The following HHEX variants were observed in gnomAD, a reference collection of about 807,000 sequenced individuals.
The protein encoded by HHEX is hematopoietically expressed homeobox.
In HHEX, 8 loss-of-function variants were observed where a neutral mutation model predicts 27.0. That is an observed-to-expected ratio of 0.30 (90% CI 0.17 to 0.54). The LOEUF is 0.54. HHEX is among the 20% of genes least tolerant of loss of function. The pLI, the probability that HHEX is intolerant of heterozygous loss-of-function variation, is 0.95. For missense variants in HHEX, 326 were observed against 357.2 expected, an observed-to-expected ratio of 0.91 and a Z score of 0.70; for synonymous variants, 164 against 161.5, an observed-to-expected ratio of 1.02 and a Z score of -0.12.
rs1845340362 is a variant in HHEX, at chr10:92,690,358, C to T, written c.361+11C>T. 2 of 1,440,124 alleles carry T rather than the reference C, an allele frequency of 1.4e-6. No individual in the cohort carries two copies. The highest frequency in any genetic ancestry group is 1.8e-4 in the Middle Eastern group (1 of 5,408). 89.2% of individuals were successfully genotyped at this position (1,440,124 alleles called of 1,614,324 possible). Reference sequence around the variant, plus strand: ...GCCACGACCCCCTGGGTAAGGCGGCCGGGCGAGGGTGGGGGCGAGGAAGCG... The same window carrying T: ...GCCACGACCCCCTGGGTAAGGCGGCTGGGCGAGGGTGGGGGCGAGGAAGCG... On this transcript the variant is annotated intron_variant, in intron 1 of 3. Transcript: ENST00000282728.
rs1481384913 is a variant in HHEX at position 92,689,960 on chromosome 10, T to C, written c.-27T>C. ...GCGCCGCGGCGCGGGCCAGCAGCTC[T>C]GCGAGGGGCCGGAGCGCGGCGGAGC... On this transcript the variant is annotated 5_prime_UTR_variant, in exon 1 of 4. Coordinates refer to ENST00000282728, the MANE Select transcript of HHEX (RefSeq NM_002729.5). The C allele has an allele frequency of 2.3e-6, 3 of 1,330,162 alleles. No individual in the cohort carries two copies. Among genetic ancestry groups the C allele is most frequent in the East Asian group, 6.4e-5 (2 of 31,470 alleles). 82.4% of individuals were successfully genotyped at this position (1,330,162 alleles called of 1,614,324 possible).
Position 92,694,963 on chromosome 10 carries a change from GT to G in HHEX, c.*198del. 2 of 581,386 alleles carry G rather than the reference GT, an allele frequency of 3.4e-6. No individual in the cohort carries two copies. Among genetic ancestry groups the G allele is most frequent in the South Asian group, 2.1e-5 (1 of 48,682 alleles). 36.0% of individuals were successfully genotyped at this position (581,386 alleles called of 1,614,324 possible). On this transcript the variant is annotated 3_prime_UTR_variant, in exon 4 of 4. Coordinates refer to ENST00000282728, the MANE Select transcript of HHEX (RefSeq NM_002729.5). ...GACCTTAATTTTGACTTAACAAATA[GT>G]TTATGTACTGCTCTTAGGTTGTTTT...
Position 92,690,184 on chromosome 10 carries a change from G to C in HHEX, c.198G>C (p.Arg66=), listed in dbSNP as rs2135940334. 1 of 1,568,204 alleles carries C rather than the reference G, an allele frequency of 6.4e-7. No homozygotes were observed. The highest frequency in any genetic ancestry group is 2.4e-5 in the East Asian group (1 of 42,132). The change falls in exon 1 of 4, where the codon CGG becomes CGC. Residue 66 remains arginine (R), a synonymous_variant. Transcript: ENST00000282728. ...SSFTSLVSPY[R]TPVYEPTPIH... is the part of the protein sequence containing the mutation. ...TCACCAGCCTCGTGTCCCCCTACCG[G>C]ACCCCGGTGTACGAGCCCACGCCGA... is the stretch of plus-strand genomic sequence containing the variant.
At position 92,690,194 on chromosome 10, in the gene HHEX, T is replaced by G. The variant is rs1204238532; in HGVS notation, c.208T>G (p.Tyr70Asp). 6.4e-7 allele frequency: 1 copy of G among 1,572,136 alleles called. No homozygotes were observed. Among genetic ancestry groups the G allele is most frequent in the Non-Finnish European group, 8.6e-7 (1 of 1,159,872 alleles). ...CGTGTCCCCCTACCGGACCCCGGTG[T>G]ACGAGCCCACGCCGATCCATCCAGC... Reference protein sequence around the residue: ...SLVSPYRTPVYEPTPIHPAFS... With the variant: ...SLVSPYRTPVDEPTPIHPAFS... The change falls in exon 1 of 4, where the codon TAC becomes GAC. Residue 70 changes from tyrosine to aspartate, a missense_variant. By Grantham distance (160) the Tyr-to-Asp change is radical (BLOSUM62 -3). This residue lies in a region of HHEX where 215 missense variants were observed against 196.4 expected (regional missense o/e 1.09). Transcript: ENST00000282728.
chr10:92,691,047 T>C (rs1199904140), intron 1 of HHEX, among the ~76,000 whole-genome samples: 2 of 152,192 alleles, frequency 1.3e-5, no homozygotes, highest in African/African-American at 4.8e-5. Context: ...TCGAGGCTGT[T>C]TTGCACCAGT....
intron 3 of HHEX, among the ~76,000 whole-genome samples, chr10:92,693,268 A>G (rs892385476): frequency 8.5e-5 from 13 of 152,256 alleles, no homozygotes; most frequent in African/African-American, 3.1e-4. Flanking sequence ...AATGAAATAT[A>G]AAACTTGTAA....
At position 92,690,235 on chromosome 10, in the gene HHEX, C is replaced by A; in HGVS notation, c.249C>A (p.Ser83=). ...TPIHPAFSHH[S]AAALAAAYGP... is the part of the protein sequence containing the mutation. ...TCCATCCAGCCTTCTCGCACCACTC[C>A]GCCGCCGCGCTGGCCGCTGCCTACG... Residue 83 remains serine, a synonymous_variant, in exon 1 of 4, where the codon TCC becomes TCA. Coordinates refer to ENST00000282728, the MANE Select transcript of HHEX (RefSeq NM_002729.5). The A allele has an allele frequency of 4.5e-6, 7 of 1,567,078 alleles. No homozygotes were observed. Among genetic ancestry groups the A allele is most frequent in the East Asian group, 2.4e-5 (1 of 42,366 alleles).
rs770197482 is a variant in HHEX, at chr10:92,694,765, A to G, written c.810A>G (p.Gly270=). 1.7e-5 allele frequency: 27 copies of G among 1,602,936 alleles called. No individual in the cohort carries two copies. The highest frequency in any genetic ancestry group is 1.3e-4 in the East Asian group (6 of 44,822). ...IEGDKSYFNA[G] ...GCGATAAAAGCTATTTTAATGCTGGATGATGACCACTGGCATTGGCATGTT... is the reference window on the plus strand; with the variant it reads ...GCGATAAAAGCTATTTTAATGCTGGGTGATGACCACTGGCATTGGCATGTT... Residue 270 remains glycine, a synonymous_variant, in exon 4 of 4, where the codon GGA becomes GGG. Coordinates refer to ENST00000282728, the MANE Select transcript of HHEX (RefSeq NM_002729.5).
Position 92,690,078 on chromosome 10 carries a change from C to A in HHEX, c.92C>A (p.Pro31His). 6.5e-7 allele frequency: 1 copy of A among 1,546,888 alleles called. No homozygotes were observed. Among genetic ancestry groups the A allele is most frequent in the Non-Finnish European group, 8.7e-7 (1 of 1,145,522 alleles). The change falls in exon 1 of 4, where the codon CCC (proline) becomes CAC (histidine). Residue 31 changes from proline to histidine, a missense_variant. Physicochemically the swap from Pro to His is moderately conservative, Grantham distance 77. Coordinates refer to ENST00000282728, the MANE Select transcript of HHEX (RefSeq NM_002729.5). The stretch of plus-strand genomic sequence containing the variant: ...CTGCTGCAACCCGCACACCCGACGC[C>A]CTTTTACATCGAGGACATCCTGGGC... ...TPLLQPAHPTPFYIEDILGRG... is the reference protein window; with the variant it reads ...TPLLQPAHPTHFYIEDILGRG...
chr10:92,692,335 G>A (rs1417878380), intron 1 of HHEX, 33 bp from the exon 2 acceptor site: 3 of 1,609,436 alleles, frequency 1.9e-6, no homozygotes, highest in Admixed American at 1.7e-5. Context: ...CCGCTCCAGG[G>A]CAGTGGGTGA....
chr10:92,690,292 C>T lies in HHEX; in HGVS notation c.306C>T (p.Pro102=). The T allele has an allele frequency of 6.5e-7, 1 of 1,547,850 alleles. No homozygotes were observed. Among genetic ancestry groups the T allele is most frequent in the Non-Finnish European group, 8.7e-7 (1 of 1,146,222 alleles). Residue 102 remains proline (P), a synonymous_variant, in exon 1 of 4, where the codon CCC becomes CCT. Transcript: ENST00000282728. The stretch of plus-strand genomic sequence containing the variant: ...GCGGCTTCGGGGGCCCTCTGTACCC[C>T]TTCCCGCGGACGGTGAACGACTACA... ...GPGGFGGPLY[P]FPRTVNDYTH...
At chr10:92,692,188 CTT>C in intron 1 of HHEX, 178 bp from the exon 2 acceptor site, 2 of 597,528 alleles carry the variant, frequency 3.3e-6, no homozygotes, top group East Asian at 2.8e-5. Flanking sequence ...CAGTGTGTGA[CTT>C]TGGGTATGTT....
intron 2 of HHEX, 75 bp from the exon 3 acceptor site, chr10:92,692,627 G>C: frequency 6.2e-7 from 1 of 1,606,130 alleles, no homozygotes. Flanking sequence ...CCGAGAGAGA[G>C]GCGAGGAGCC....
intron 3 of HHEX, among the ~76,000 whole-genome samples, chr10:92,694,064 T>C (rs1845380463): frequency 6.6e-6 from 1 of 152,168 alleles, no homozygotes. Flanking sequence ...AGAAAATGAA[T>C]GAAAAAAGAT....
chr10:92,692,583 A>G, intron 2 of HHEX, 37 bp downstream of exon 2: 1 of 1,611,402 alleles, frequency 6.2e-7, no homozygotes, highest in South Asian at 1.1e-5. Flanking sequence ...CCTCCGGGGA[A>G]GGGAAGGCTT....
chr10:92,694,474 ATTTTGAT>A lies in HHEX; in HGVS notation c.592-70_592-64del, dbSNP rs1845385307. 6.3e-6 allele frequency: 7 copies of A among 1,106,314 alleles called. No homozygotes were observed. The Admixed American group carries it at 1.4e-4, about 23-fold the overall frequency. 68.5% of individuals were successfully genotyped at this position (1,106,314 alleles called of 1,614,324 possible). On this transcript the variant is annotated intron_variant, in intron 3 of 3. Coordinates refer to ENST00000282728, the MANE Select transcript of HHEX (RefSeq NM_002729.5). ...AAAAGATGGAATAGGATGAAGAGACATTTTGATTTATTCCTCTCACCTATCCATATTT... is the reference window on the plus strand; with the variant it reads ...AAAAGATGGAATAGGATGAAGAGACATTATTCCTCTCACCTATCCATATTT...
Position 92,690,511 on chromosome 10 carries a change from C to T in HHEX, c.361+164C>T, listed in dbSNP as rs372911659. 1.1e-3 allele frequency among the ~76,000 whole-genome samples: 173 copies of T among 152,184 alleles called. 1 individual carries two copies. The highest frequency in any genetic ancestry group is 4.0e-3 in the African/African-American group (168 of 41,538). ...GGGGACGGGAGGCGCGCGGCCGGGG[C>T]TGACCGCACCGTGACTCAGATTGGT... On this transcript the variant is annotated intron_variant, in intron 1 of 3. Coordinates refer to ENST00000282728, the MANE Select transcript of HHEX (RefSeq NM_002729.5).
intron 1 of HHEX, among the ~76,000 whole-genome samples, chr10:92,691,401 C>G (rs1304660665): frequency 6.6e-6 from 1 of 152,170 alleles, no homozygotes; most frequent in African/African-American, 2.4e-5. Context: ...CAGTAGGGAC[C>G]CTGAAAACAA....
chr10:92,693,915 C>G (rs1280760470), intron 3 of HHEX, among the ~76,000 whole-genome samples: 1 of 152,060 alleles, frequency 6.6e-6, no homozygotes, highest in Non-Finnish European at 1.5e-5. Context: ...CAGAAATTTG[C>G]CCCAGATTTT....
Sources: gnomAD v4.1 joint callset for allele counts (sites outside exome capture counted in the v4.1 genomes callset) on GRCh38, gnomAD v4.1.1 for gene constraint, gnomAD v4.1.1 regional missense constraint, MANE v1.5 for transcripts, NCBI Gene and HGNC (gene_info 2026-07-23, HGNC 2026-07-21) for gene names.